Variants in TMC2 observed in about 807,000 individuals in gnomAD.
The protein encoded by TMC2 is transmembrane channel like 2, also known as transmembrane channel-like protein 2.
A neutral mutation model predicts 105.9 loss-of-function variants in TMC2; 102 were observed. That is an observed-to-expected ratio of 0.96 (90% CI 0.82 to 1.14). The LOEUF (loss-of-function observed/expected upper bound fraction) is 1.14, where lower values mean the gene tolerates loss of function less well. TMC2 is among the 50% of genes most tolerant of loss of function. The probability of loss-of-function intolerance (pLI) is 0.00; values close to 1 mark genes in which losing one functional copy is unlikely to be tolerated. For synonymous variants in TMC2, 402 were observed against 422.8 expected (o/e 0.95, Z 0.60); for missense variants, 1,093 against 1,134.3 (o/e 0.96, Z 0.52).
At chr20:2,571,943 G>A (rs2422787) in intron 4 of TMC2, among the ~76,000 whole-genome samples, 18,835 of 152,158 alleles carry the variant, frequency 0.12, 1,412 homozygotes, top group African/African-American at 0.21. Flanking sequence ...CCAGACGAAG[G>A]TCACAGGGGC....
intron 4 of TMC2, among the ~76,000 whole-genome samples, chr20:2,563,315 T>C (rs2086040992): frequency 6.6e-6 from 1 of 152,162 alleles, no homozygotes; most frequent in South Asian, 2.1e-4. Flanking sequence ...AATTATTACG[T>C]CATCTCCTAT....
intron 2 of TMC2, among the ~76,000 whole-genome samples, chr20:2,545,904 GAAA>G (rs745736188): frequency 2.7e-3 from 288 of 106,946 alleles, no homozygotes; most frequent in African/African-American, 9.8e-3. Context: ...AAGAAAGAAA[GAAA>G]AAAAGAAAGA....
At chr20:2,551,215 C>A (rs1222256178) in intron 2 of TMC2, among the ~76,000 whole-genome samples, 2 of 152,108 alleles carry the variant, frequency 1.3e-5, no homozygotes, top group Non-Finnish European at 2.9e-5. Context: ...TAATGACATA[C>A]CATGTTGAGC....
At chr20:2,573,967 C>G (rs2086124287) in intron 5 of TMC2, among the ~76,000 whole-genome samples, 1 of 152,154 alleles carries the variant, frequency 6.6e-6, no homozygotes, top group African/African-American at 2.4e-5. Flanking sequence ...TGTGAACTAG[C>G]CATCCTAGAA....
At chr20:2,634,260 T>C (rs2086626192) in intron 17 of TMC2, among the ~76,000 whole-genome samples, 1 of 152,206 alleles carries the variant, frequency 6.6e-6, no homozygotes, top group Admixed American at 6.5e-5. Flanking sequence ...CACTCTGCAA[T>C]GGCGCCTCTC....
intron 17 of TMC2, 97 bp from the exon 18 acceptor site, chr20:2,635,829 A>G (rs2086638170): frequency 3.1e-6 from 3 of 965,440 alleles, no homozygotes. Flanking sequence ...CTCAGTAACT[A>G]TTCCAGGAAT....
At chr20:2,569,698 G>A (rs1017400722) in intron 4 of TMC2, among the ~76,000 whole-genome samples, 4 of 152,178 alleles carry the variant, frequency 2.6e-5, no homozygotes, top group Admixed American at 6.5e-5. Context: ...GCACAGTTCT[G>A]TAGGTCAGAA....
chr20:2,562,181 A>G (rs1299331457), intron 4 of TMC2, among the ~76,000 whole-genome samples, 171 bp downstream of exon 4: 1 of 152,274 alleles, frequency 6.6e-6, no homozygotes, highest in Non-Finnish European at 1.5e-5. Flanking sequence ...GCTGTTCGCC[A>G]GCACCACAGG....
chr20:2,579,643 C>T (rs946354260), intron 6 of TMC2, among the ~76,000 whole-genome samples: 1 of 151,860 alleles, frequency 6.6e-6, no homozygotes, highest in Non-Finnish European at 1.5e-5. Flanking sequence ...AGGCTGGTCT[C>T]GAACTCCTGA....
intron 19 of TMC2, 28 bp from the exon 20 acceptor site, chr20:2,641,106 C>G: frequency 6.2e-7 from 1 of 1,603,906 alleles, no homozygotes. Context: ...CTCCCACTTC[C>G]TCTTTCTTGT....
chr20:2,566,741 A>C (rs983971066), intron 4 of TMC2, among the ~76,000 whole-genome samples: 1 of 152,230 alleles, frequency 6.6e-6, no homozygotes, highest in Non-Finnish European at 1.5e-5. Flanking sequence ...CCTCAGGACC[A>C]AAGGGATGAC....
In TMC2 at chr20:2,631,379, G is replaced by GA. The variant is rs1405239304; in HGVS notation, c.2307-4546dup. On this transcript the variant is annotated intron_variant, in intron 17 of 19. Coordinates refer to ENST00000358864, the MANE Select transcript of TMC2 (RefSeq NM_080751.3). Reference sequence around the variant, plus strand: ...CTAGTGCTCTTTATTTCTTCATGTAGATTCAAGTTACTGTCTAGTGTCCTT... The same window carrying GA: ...CTAGTGCTCTTTATTTCTTCATGTAGAATTCAAGTTACTGTCTAGTGTCCTT... Among the ~76,000 whole-genome samples the GA allele has an allele frequency of 2.6e-5, 4 of 152,190 alleles. No homozygotes were observed. In the East Asian group the frequency reaches 7.7e-4, roughly 29 times the overall value.
intron 3 of TMC2, among the ~76,000 whole-genome samples, chr20:2,560,497 G>T (rs528443337): frequency 6.6e-6 from 1 of 152,006 alleles, no homozygotes; most frequent in Non-Finnish European, 1.5e-5. Context: ...TTACCTACCC[G>T]ATTGGGCGCT....
intron 4 of TMC2, among the ~76,000 whole-genome samples, chr20:2,568,611 C>T (rs996029878): frequency 1.1e-4 from 16 of 152,178 alleles, no homozygotes; most frequent in African/African-American, 3.6e-4. Flanking sequence ...CACATTTAAG[C>T]TCATAGAACT....
At chr20:2,573,622 G>A (rs534323354) in intron 5 of TMC2, among the ~76,000 whole-genome samples, 1 of 145,256 alleles carries the variant, frequency 6.9e-6, no homozygotes, top group Non-Finnish European at 1.5e-5. Context: ...ATGCGGTGGC[G>A]CGACCTCGGC....
chr20:2,620,518 T>C (rs1372042249), intron 16 of TMC2, among the ~76,000 whole-genome samples: 1 of 152,212 alleles, frequency 6.6e-6, no homozygotes, highest in Non-Finnish European at 1.5e-5. Context: ...TGTGGGACTC[T>C]CTTCTTTAAC....
chr20:2,552,572 G>A (rs1319980554), intron 2 of TMC2, among the ~76,000 whole-genome samples: 1 of 152,128 alleles, frequency 6.6e-6, no homozygotes, highest in Non-Finnish European at 1.5e-5. Context: ...CTGGAGTGCA[G>A]TGGCACAATC....
At chr20:2,587,082 T>G (rs1402632707) in intron 7 of TMC2, among the ~76,000 whole-genome samples, 1 of 152,194 alleles carries the variant, frequency 6.6e-6, no homozygotes, top group East Asian at 1.9e-4. Flanking sequence ...AGAATATGGT[T>G]AATTTTCCTA....
Position 2,558,399 on chromosome 20 carries a change from A to G in TMC2, c.83-57A>G. Reference sequence around the variant, plus strand: ...CGTCTGATTTCTCACGGCCGGGGACATTTTCCTGGGCCTGAGGCCGTTGGA... The same window carrying G: ...CGTCTGATTTCTCACGGCCGGGGACGTTTTCCTGGGCCTGAGGCCGTTGGA... On this transcript the variant is annotated intron_variant, in intron 2 of 19. Transcript: ENST00000358864. The surrounding 1 kb of genome is among the most constrained non-coding windows in gnomAD (Gnocchi z 4.6). 6.5e-7 allele frequency: 1 copy of G among 1,545,176 alleles called. No homozygotes were observed. The highest frequency in any genetic ancestry group is 8.7e-7 in the Non-Finnish European group (1 of 1,144,264).
Sources: allele counts gnomAD v4.1 joint callset (sites outside exome capture counted in the v4.1 genomes callset), GRCh38; gene constraint gnomAD v4.1.1; non-coding constraint Gnocchi (gnomAD v3.1); transcripts MANE v1.5; gene names NCBI Gene and HGNC (gene_info 2026-07-23, HGNC 2026-07-21).